Variants in NSUN6 observed in about 807,000 individuals in gnomAD.
NSUN6 encodes the protein NOP2/Sun RNA methyltransferase 6.
NSUN6 carries 64 observed loss-of-function variants against 58.0 expected under a neutral mutation model. The ratio of observed to expected loss-of-function variants is 1.10; its 90% CI spans 0.90 to 1.36. NSUN6 has a LOEUF of 1.36. Ranked by LOEUF, NSUN6 falls within the 40% of genes most tolerant of loss-of-function variation. The probability of loss-of-function intolerance (pLI) is 0.00; values close to 1 mark genes in which losing one functional copy is unlikely to be tolerated. For synonymous variants in NSUN6, 231 were observed against 193.9 expected (o/e 1.19, Z -1.59); for missense variants, 701 against 550.1 (o/e 1.27, Z -2.74).
upstream of NSUN6, chr10:18,658,291 G>A (rs1232566678): frequency 6.6e-6 from 1 of 152,166 alleles, no homozygotes; most frequent in Non-Finnish European, 1.5e-5. Context: ...ATAGCACTGG[G>A]AGGACGTAAG....
intron 6 of NSUN6, among the ~76,000 whole-genome samples, chr10:18,599,746 AC>A (rs889133948): frequency 2.8e-4 from 43 of 152,162 alleles, no homozygotes; most frequent in African/African-American, 1.0e-3. Flanking sequence ...AGATTGTCCA[AC>A]CTCTTTAAAT....
At chr10:18,646,467 G>A (rs1245030547) in intron 2 of NSUN6, among the ~76,000 whole-genome samples, 4 of 152,074 alleles carry the variant, frequency 2.6e-5, no homozygotes, top group Non-Finnish European at 5.9e-5. Context: ...AGTCCAGAGT[G>A]ACTGATCCTA....
chr10:18,620,945 G>A (rs971131747), intron 3 of NSUN6, among the ~76,000 whole-genome samples: 2 of 152,178 alleles, frequency 1.3e-5, no homozygotes, highest in African/African-American at 4.8e-5. Flanking sequence ...ATGAATTCTG[G>A]AACAGAGAAC....
intron 2 of NSUN6, among the ~76,000 whole-genome samples, chr10:18,647,960 A>T (rs1365467618): frequency 6.6e-6 from 1 of 152,100 alleles, no homozygotes; most frequent in East Asian, 1.9e-4. Context: ...GCTGGTCCCA[A>T]AGTCCTGGCC....
chr10:18,652,025 G>T (rs1377634373), upstream of NSUN6: 1 of 985,160 alleles, frequency 1.0e-6, no homozygotes, highest in African/African-American at 1.7e-5. Flanking sequence ...CCTCTCTCAG[G>T]CATACAGATC....
chr10:18,638,393 G>C (rs911384483), intron 3 of NSUN6, among the ~76,000 whole-genome samples: 3 of 152,176 alleles, frequency 2.0e-5, no homozygotes, highest in Non-Finnish European at 4.4e-5. Context: ...AGTGAGCCAA[G>C]ATCGTGCCAC....
intron 1 of NSUN6, 37 bp from the exon 2 acceptor site, chr10:18,648,682 A>C: frequency 7.9e-7 from 1 of 1,265,926 alleles, no homozygotes. Context: ...CCTGAGAATT[A>C]AAAACAGTCA....
chr10:18,593,078 T>G (rs1330043669), intron 7 of NSUN6, among the ~76,000 whole-genome samples: 1 of 152,104 alleles, frequency 6.6e-6, no homozygotes, highest in African/African-American at 2.4e-5. Context: ...AAGACAACAT[T>G]TATGCTGCCA....
At chr10:18,616,467 G>A (rs905519708) in intron 3 of NSUN6, among the ~76,000 whole-genome samples, 174 bp from the exon 4 acceptor site, 12 of 152,096 alleles carry the variant, frequency 7.9e-5, no homozygotes, top group Admixed American at 7.9e-4. Context: ...ACAGCAACAC[G>A]AAGATGGGCA....
At chr10:18,588,673 C>G (rs112257239) in intron 7 of NSUN6, among the ~76,000 whole-genome samples, 2,969 of 152,278 alleles carry the variant, frequency 0.019, 37 homozygotes, top group Non-Finnish European at 0.032. Flanking sequence ...CGCAGCAGAC[C>G]TGCAGAAGAG....
chr10:18,596,900 G>C (rs1360950733), intron 6 of NSUN6, among the ~76,000 whole-genome samples: 1 of 152,084 alleles, frequency 6.6e-6, no homozygotes. Flanking sequence ...GTTTCTTCCA[G>C]TTAACCAAGA....
At position 18,603,015 on chromosome 10, in the gene NSUN6, G is replaced by A. The variant is rs144987995; in HGVS notation, c.658-6688C>T. Among the ~76,000 whole-genome samples, 286 of 152,140 alleles carry A rather than the reference G, an allele frequency of 1.9e-3. 1 individual carries two copies. The highest frequency in any genetic ancestry group is 6.7e-3 in the African/African-American group (276 of 41,496). ...TGCTTTTAAAATTCAGAATTAGGTCGGGCGCAGTGGCTCACTCCTGTAATC... is the reference window on the plus strand; with the variant it reads ...TGCTTTTAAAATTCAGAATTAGGTCAGGCGCAGTGGCTCACTCCTGTAATC... On this transcript the variant is annotated intron_variant, in intron 6 of 10. Transcript: ENST00000377304.
intron 8 of NSUN6, among the ~76,000 whole-genome samples, chr10:18,576,846 T>A (rs2056673653): frequency 6.6e-6 from 1 of 152,200 alleles, no homozygotes. Flanking sequence ...TGTGCTTTAG[T>A]ACAATTAGCT....
At chr10:18,612,528 A>C (rs2058273773) in intron 5 of NSUN6, among the ~76,000 whole-genome samples, 1 of 152,252 alleles carries the variant, frequency 6.6e-6, no homozygotes. Context: ...TAGTCTGATC[A>C]CTCCATAATT....
At chr10:18,548,028 C>T (rs4747353) in intron 10 of NSUN6, 84 bp downstream of exon 10, 1,001,736 of 1,335,546 alleles carry the variant, frequency 0.75, 377,349 homozygotes, top group East Asian at 0.97. Flanking sequence ...TTTTACTTAT[C>T]TCTTCGTTAA....
intron 7 of NSUN6, 145 bp downstream of exon 7, chr10:18,596,063 T>G: frequency 1.6e-6 from 1 of 634,840 alleles, no homozygotes; most frequent in Non-Finnish European, 2.8e-6. Flanking sequence ...CTGAGCTTAA[T>G]ATGTAGTGAC....
chr10:18,549,807 A>G (rs375686885), intron 9 of NSUN6, among the ~76,000 whole-genome samples: 13 of 152,320 alleles, frequency 8.5e-5, no homozygotes, highest in African/African-American at 3.1e-4. Context: ...TTTAAATCAG[A>G]GTATGCTGAT....
intron 3 of NSUN6, among the ~76,000 whole-genome samples, chr10:18,632,136 G>GA (rs1470975594): frequency 6.6e-6 from 1 of 151,866 alleles, no homozygotes; most frequent in East Asian, 1.9e-4. Context: ...ACAAACCTGA[G>GA]AAAAACAAGC....
At chr10:18,546,636 G>C (rs1329629368) in intron 10 of NSUN6, among the ~76,000 whole-genome samples, 1 of 152,172 alleles carries the variant, frequency 6.6e-6, no homozygotes, top group Non-Finnish European at 1.5e-5. Context: ...CCAGCACTTA[G>C]GGAGGCCGAG....
Sources: allele counts gnomAD v4.1 joint callset (sites outside exome capture counted in the v4.1 genomes callset), GRCh38; gene constraint gnomAD v4.1.1; transcripts MANE v1.5; gene names NCBI Gene and HGNC (gene_info 2026-07-23, HGNC 2026-07-21).